BMP2K: variants seen among roughly 807,000 people sequenced by gnomAD.
BMP2K encodes BMP2 inducible kinase.
BMP2K carries 74 observed loss-of-function variants against 116.0 expected under a neutral mutation model. That is an observed-to-expected ratio of 0.64 (90% CI 0.53 to 0.77). BMP2K has a LOEUF of 0.77. Ranked by LOEUF, BMP2K falls within the 30% of genes least tolerant of loss-of-function variation. The probability of loss-of-function intolerance (pLI) is 0.00; values close to 1 mark genes in which losing one functional copy is unlikely to be tolerated. For missense variants in BMP2K, 1,365 were observed against 1,403.6 expected, an observed-to-expected ratio of 0.97 and a Z score of 0.44; for synonymous variants, 486 against 502.5, an observed-to-expected ratio of 0.97 and a Z score of 0.44.
Position 78,858,053 on chromosome 4 carries a change from T to A in BMP2K, c.884-1531T>A, listed in dbSNP as rs982396678. 4.6e-5 allele frequency among the ~76,000 whole-genome samples: 7 copies of A among 152,000 alleles called. No individual in the cohort carries two copies. In the South Asian group the frequency reaches 8.3e-4, roughly 18 times the overall value. On this transcript the variant is annotated intron_variant, in intron 7 of 15. Transcript: ENST00000502613. ...TCTTAGTTTTGTGTGCCACTTCAAG[T>A]TCTTTATAGGACTAAATATGTATAA...
intron 2 of BMP2K, among the ~76,000 whole-genome samples, chr4:78,833,378 C>T (rs1016095196): frequency 1.4e-4 from 22 of 152,006 alleles, no homozygotes; most frequent in African/African-American, 5.1e-4. Flanking sequence ...TTCATATTTG[C>T]TGTTAGAAAA....
intron 1 of BMP2K, among the ~76,000 whole-genome samples, chr4:78,793,427 TAAAAA>T (rs577762524): frequency 6.8e-6 from 1 of 146,406 alleles, no homozygotes; most frequent in African/African-American, 2.6e-5. Flanking sequence ...AAAAAAAAAT[TAAAAA>T]AAAAGTTATG....
rs1732526718 is a variant in BMP2K at position 78,874,202 on chromosome 4, A to ACAC, written c.1793+1404_1793+1405insCAC. ...ACACACACACACACACACACACACA[A>ACAC]AAAGTTCAGATCAGTATTTGCCGAA... On this transcript the variant is annotated intron_variant, in intron 13 of 15. Coordinates refer to ENST00000502613, the MANE Select transcript of BMP2K (RefSeq NM_198892.2). Among the ~76,000 whole-genome samples the ACAC allele has an allele frequency of 7.1e-4, 106 of 148,306 alleles. 2 individuals carry two copies. The highest frequency in any genetic ancestry group is 6.7e-3 in the Admixed American group (101 of 14,980).
intron 10 of BMP2K, among the ~76,000 whole-genome samples, chr4:78,870,334 T>C (rs1400285362): frequency 6.6e-6 from 1 of 151,992 alleles, no homozygotes; most frequent in East Asian, 1.9e-4. Context: ...CAGACTGAAA[T>C]GTAATAAACT....
At chr4:78,839,851 G>T (rs1355569479) in intron 3 of BMP2K, among the ~76,000 whole-genome samples, 2 of 152,114 alleles carry the variant, frequency 1.3e-5, no homozygotes, top group Non-Finnish European at 2.9e-5. Flanking sequence ...TATTCTGGCT[G>T]TGCTGGCAGC....
chr4:78,776,779 C>T (rs1727269370), intron 1 of BMP2K, 58 bp downstream of exon 1: 1 of 1,209,314 alleles, frequency 8.3e-7, no homozygotes, highest in Admixed American at 4.3e-5. Context: ...GGTGTGGCGG[C>T]GGCTTCTCCG....
chr4:78,847,276 C>A lies in BMP2K; in HGVS notation c.750+7C>A. 6.4e-7 allele frequency: 1 copy of A among 1,567,590 alleles called. No homozygotes were observed. Among genetic ancestry groups the A allele is most frequent in the East Asian group, 2.3e-5 (1 of 43,746 alleles). On this transcript the variant is annotated splice_region_variant and intron_variant, in intron 6 of 15. Coordinates refer to ENST00000502613, the MANE Select transcript of BMP2K (RefSeq NM_198892.2). ...CACCAAGGCTGATATCTGGGTAAGG[C>A]CAAGAAAGGCTGGAACTTGCTCTAA... is the stretch of plus-strand genomic sequence containing the variant.
chr4:78,851,707 A>T (rs1227935085), intron 7 of BMP2K, among the ~76,000 whole-genome samples: 2 of 152,134 alleles, frequency 1.3e-5, no homozygotes, highest in African/African-American at 4.8e-5. Context: ...GGCAAAAAAT[A>T]AGGCTGGATC....
intron 1 of BMP2K, among the ~76,000 whole-genome samples, chr4:78,782,794 C>T (rs78949223): frequency 0.048 from 7,332 of 152,206 alleles, 546 homozygotes; most frequent in African/African-American, 0.17. Context: ...TTAATTTTGA[C>T]AGCTTTTTTT....
At chr4:78,798,682 A>G (rs1273251505) in intron 1 of BMP2K, among the ~76,000 whole-genome samples, 1 of 152,216 alleles carries the variant, frequency 6.6e-6, no homozygotes, top group Non-Finnish European at 1.5e-5. Flanking sequence ...ACACATAACT[A>G]CTGTCCTTTT....
At chr4:78,850,697 TA>T (rs1731210192) in intron 6 of BMP2K, among the ~76,000 whole-genome samples, 2 of 151,948 alleles carry the variant, frequency 1.3e-5, no homozygotes, top group South Asian at 4.1e-4. Flanking sequence ...ATTTTTACGA[TA>T]CCATTAATTC....
intron 13 of BMP2K, among the ~76,000 whole-genome samples, chr4:78,875,869 A>G (rs1444970536): frequency 6.6e-6 from 1 of 152,186 alleles, no homozygotes. Flanking sequence ...TTTCTCCCTC[A>G]ATAAGTGATC....
rs1048390561 is a variant in BMP2K at position 78,914,637 on chromosome 4, A to G, written c.*2604A>G. On this transcript the variant is annotated 3_prime_UTR_variant, in exon 16 of 16. Coordinates refer to ENST00000502613, the MANE Select transcript of BMP2K (RefSeq NM_198892.2). The stretch of plus-strand genomic sequence containing the variant: ...CACAGTACCTGGCACACAGCACTCA[A>G]TAAAAGTTTGGCTCTATTATGGGAT... 12 of 151,850 alleles carry G rather than the reference A, an allele frequency of 7.9e-5. No individual in the cohort carries two copies. The highest frequency in any genetic ancestry group is 2.1e-4 in the South Asian group (1 of 4,824). The allele number at this position is 151,850 out of a possible 1,614,324, so 9.4% of individuals were successfully genotyped here. A position where few individuals can be genotyped will look rare whatever the true frequency, so the allele number is the denominator to read the frequency against.
At chr4:78,807,350 T>C (rs1254009070) in intron 1 of BMP2K, among the ~76,000 whole-genome samples, 1 of 152,188 alleles carries the variant, frequency 6.6e-6, no homozygotes, top group African/African-American at 2.4e-5. Context: ...TTTGCTAGTA[T>C]TTTGTTGGAT....
intron 1 of BMP2K, among the ~76,000 whole-genome samples, chr4:78,780,889 C>G (rs989293176): frequency 6.6e-6 from 1 of 152,136 alleles, no homozygotes; most frequent in African/African-American, 2.4e-5. Context: ...TGAGAGAATT[C>G]AGTTTAGACT....
rs542696162 is a variant in BMP2K, at chr4:78,829,799, TCTC to T, written c.297+3645_297+3647del. ...TCTTTTCTTTTCTTTTCTCTTCTCTTCTCTTCTCTTCTCTTCTCTTCTCTTCTC... is the reference window on the plus strand; with the variant it reads ...TCTTTTCTTTTCTTTTCTCTTCTCTTTTCTCTTCTCTTCTCTTCTCTTCTC... On this transcript the variant is annotated intron_variant, in intron 2 of 15. Coordinates refer to ENST00000502613, the MANE Select transcript of BMP2K (RefSeq NM_198892.2). 4.4e-3 allele frequency among the ~76,000 whole-genome samples: 572 copies of T among 130,000 alleles called. 2 individuals are homozygous for T. The highest frequency in any genetic ancestry group is 0.017 in the African/African-American group (529 of 31,418). The allele number at this position is 130,000 out of a possible 152,430, so 85.3% of individuals were successfully genotyped here. A position where few individuals can be genotyped will look rare whatever the true frequency, so the allele number is the denominator to read the frequency against.
At chr4:78,837,564 G>GA (rs774340711) in intron 3 of BMP2K, among the ~76,000 whole-genome samples, 11 of 152,240 alleles carry the variant, frequency 7.2e-5, no homozygotes, top group African/African-American at 1.7e-4. Flanking sequence ...ATACTGGGGG[G>GA]AAAAATACAC....
intron 14 of BMP2K, among the ~76,000 whole-genome samples, chr4:78,880,229 C>A (rs753580429): frequency 6.6e-6 from 1 of 152,140 alleles, no homozygotes; most frequent in Non-Finnish European, 1.5e-5. Flanking sequence ...TGTGCCACCA[C>A]GCCCAGCGAA....
intron 1 of BMP2K, among the ~76,000 whole-genome samples, chr4:78,777,421 G>GT (rs1727299421): frequency 6.6e-6 from 1 of 152,186 alleles, no homozygotes; most frequent in African/African-American, 2.4e-5. Flanking sequence ...ACTTAACGAG[G>GT]TTTTGTGGTC....
Sources: allele counts gnomAD v4.1 joint callset (sites outside exome capture counted in the v4.1 genomes callset), GRCh38; gene constraint gnomAD v4.1.1; transcripts MANE v1.5; gene names NCBI Gene and HGNC (gene_info 2026-07-23, HGNC 2026-07-21).